The following SEZ6L variants were observed in gnomAD, a reference collection of about 807,000 sequenced individuals.
SEZ6L encodes seizure related 6 homolog like.
SEZ6L carries 37 observed loss-of-function variants against 106.2 expected under a neutral mutation model. That is an observed-to-expected ratio of 0.35 (90% CI 0.27 to 0.46). The LOEUF (loss-of-function observed/expected upper bound fraction) is 0.46, where lower values mean the gene tolerates loss of function less well. Among genes scored for constraint, SEZ6L ranks in the 20% least tolerant of loss-of-function variants. SEZ6L has a pLI of 1.00. For synonymous variants in SEZ6L, 541 were observed against 570.4 expected (o/e 0.95, Z 0.73); for missense variants, 1,172 against 1,332.8 (o/e 0.88, Z 1.88).
chr22:26,346,517 CAGTT>C (rs2083012853), intron 10 of SEZ6L, among the ~76,000 whole-genome samples: 1 of 152,182 alleles, frequency 6.6e-6, no homozygotes, highest in Non-Finnish European at 1.5e-5. Context: ...TATCATCTTG[CAGTT>C]TCTCTGGGTT....
Position 26,292,399 on chromosome 22 carries a change from T to C in SEZ6L, c.95-7T>C. On this transcript the variant is annotated splice_region_variant and splice_polypyrimidine_tract_variant and intron_variant, in intron 1 of 16. Coordinates refer to ENST00000248933, the MANE Select transcript of SEZ6L (RefSeq NM_021115.5). ...AAACTAACTGGTGTCTTTTCTCCTC[T>C]TCCAAGATGCTCTTCCCGAGGGAGA... The C allele has an allele frequency of 6.2e-7, 1 of 1,606,050 alleles. No individual in the cohort carries two copies. Among genetic ancestry groups the C allele is most frequent in the Non-Finnish European group, 8.5e-7 (1 of 1,175,290 alleles).
chr22:26,348,705 G>GAAAGAAAGAAAGCAA (rs1481352357), intron 11 of SEZ6L, among the ~76,000 whole-genome samples: 1 of 48,068 alleles, frequency 2.1e-5, no homozygotes, highest in Non-Finnish European at 4.2e-5. Context: ...AAAGAAAGAA[G>GAAAGAAAGAAAGCAA]GCAAGGGAGG....
rs745528227 is a variant in SEZ6L at position 26,365,403 on chromosome 22, G to C, written c.2631G>C (p.Gly877=). ...SEESLACDNP[G]LPENGYQILY... ...AGTCCCTGGCATGTGACAACCCAGG[G>C]CTGCCTGAAAATGGATACCAAATCC... Residue 877 remains glycine (G), a synonymous_variant, in exon 13 of 17, where the codon GGG becomes GGC. Transcript: ENST00000248933. The C allele has an allele frequency of 2.5e-6, 4 of 1,612,698 alleles. No individual in the cohort carries two copies. Among genetic ancestry groups the C allele is most frequent in the East Asian group, 2.2e-5 (1 of 44,826 alleles).
Position 26,169,753 on chromosome 22 carries a change from G to A in SEZ6L, c.84G>A (p.Ala28=), listed in dbSNP as rs1938443354. The change falls in exon 1 of 17, where the codon GCG becomes GCA. Residue 28 remains alanine, a synonymous_variant. Transcript: ENST00000248933. ...TGCTCCTGGGGAGCCCGGCGGCAGCGCTGGAGCGAGGTAAGCGCCCCGAGG... is the reference window on the plus strand; with the variant it reads ...TGCTCCTGGGGAGCCCGGCGGCAGCACTGGAGCGAGGTAAGCGCCCCGAGG... ...LALLLGSPAA[A]LERDALPEGD... is the part of the protein sequence containing the mutation. 1 of 1,253,240 alleles carries A rather than the reference G, an allele frequency of 8.0e-7. No individual in the cohort carries two copies. The highest frequency in any genetic ancestry group is 1.0e-6 in the Non-Finnish European group (1 of 999,732). The allele number at this position is 1,253,240 out of a possible 1,614,324, so 77.6% of individuals were successfully genotyped here.
At chr22:26,283,771 C>A (rs76035051) in intron 1 of SEZ6L, among the ~76,000 whole-genome samples, 2,201 of 151,874 alleles carry the variant, frequency 0.014, 19 homozygotes, top group Non-Finnish European at 0.023. Flanking sequence ...ACATTCAGGG[C>A]AGTAGTTCAT....
intron 1 of SEZ6L, among the ~76,000 whole-genome samples, chr22:26,201,382 C>CAAAAAAAA (rs71192905): frequency 6.4e-3 from 476 of 74,522 alleles, no homozygotes; most frequent in East Asian, 0.017. Context: ...TACAAAAATA[C>CAAAAAAAA]AAAAAAAAAA....
intron 1 of SEZ6L, among the ~76,000 whole-genome samples, chr22:26,270,786 G>A (rs1051230836): frequency 5.3e-5 from 8 of 152,116 alleles, no homozygotes; most frequent in African/African-American, 1.9e-4. Flanking sequence ...CCCCTCGCTG[G>A]TGTCTGCTAG....
intron 1 of SEZ6L, among the ~76,000 whole-genome samples, chr22:26,216,691 AG>A (rs1263615527): frequency 7.2e-6 from 1 of 138,936 alleles, no homozygotes; most frequent in Non-Finnish European, 1.6e-5. Flanking sequence ...AAAAAGAAAA[AG>A]AAATGGTCCA....
intron 9 of SEZ6L, among the ~76,000 whole-genome samples, chr22:26,332,294 T>G (rs937070768): frequency 4.7e-5 from 7 of 150,376 alleles, no homozygotes; most frequent in Non-Finnish European, 8.9e-5. Flanking sequence ...GGACTACAAG[T>G]GCATGCCACC....
chr22:26,212,675 G>A (rs151028215), intron 1 of SEZ6L, among the ~76,000 whole-genome samples: 25 of 152,216 alleles, frequency 1.6e-4, no homozygotes, highest in Middle Eastern at 3.4e-3. Context: ...CTCCCACCTC[G>A]GCCTCCCAAT....
chr22:26,230,632 T>G (rs2078770442), intron 1 of SEZ6L, among the ~76,000 whole-genome samples: 2 of 152,296 alleles, frequency 1.3e-5, no homozygotes, highest in South Asian at 4.1e-4. Flanking sequence ...GGAAACAGAC[T>G]GGAGACTGCC....
intron 1 of SEZ6L, among the ~76,000 whole-genome samples, chr22:26,265,897 T>G (rs992503808): frequency 2.0e-5 from 3 of 152,132 alleles, no homozygotes; most frequent in Admixed American, 6.5e-5. Context: ...TGGGTGCATC[T>G]TCCATGGTCC....
chr22:26,346,305 G>T (rs1464333951), intron 10 of SEZ6L, among the ~76,000 whole-genome samples: 1 of 152,208 alleles, frequency 6.6e-6, no homozygotes, highest in African/African-American at 2.4e-5. Flanking sequence ...GCTTCCCAAA[G>T]TGCTGAGATT....
chr22:26,361,397 C>T (rs2083622007), intron 12 of SEZ6L, among the ~76,000 whole-genome samples: 1 of 149,252 alleles, frequency 6.7e-6, no homozygotes, highest in South Asian at 2.1e-4. Flanking sequence ...GTCCCAGCTA[C>T]TCGGGAGGCT....
chr22:26,205,881 A>G (rs981199553), intron 1 of SEZ6L, among the ~76,000 whole-genome samples: 1 of 151,932 alleles, frequency 6.6e-6, no homozygotes, highest in Non-Finnish European at 1.5e-5. Context: ...TGAGATACCA[A>G]CGCTGTCCAG....
intron 1 of SEZ6L, among the ~76,000 whole-genome samples, chr22:26,268,621 A>T (rs2080262686): frequency 1.3e-5 from 2 of 152,238 alleles, no homozygotes; most frequent in Admixed American, 1.3e-4. Flanking sequence ...CACATAGGCC[A>T]GGGTCTCTCC....
intron 1 of SEZ6L, among the ~76,000 whole-genome samples, chr22:26,232,346 TCACACACACACACACACACACACACA>T (rs10654892): frequency 7.5e-5 from 10 of 133,268 alleles, no homozygotes; most frequent in African/African-American, 2.3e-4. Context: ...TCTCTGTCTT[TCACACACACACACACACACACACACA>T]CACACACACA....
At chr22:26,365,303 C>T (rs1017966484) in intron 12 of SEZ6L, 69 bp from the exon 13 acceptor site, 64 of 1,393,774 alleles carry the variant, frequency 4.6e-5, no homozygotes, top group Middle Eastern at 4.0e-4. Flanking sequence ...CTAGATCACA[C>T]GGGTTCTGAG....
intron 1 of SEZ6L, among the ~76,000 whole-genome samples, chr22:26,225,080 A>G (rs778551840): frequency 2.0e-5 from 3 of 152,254 alleles, no homozygotes; most frequent in Non-Finnish European, 4.4e-5. Context: ...GTGGTCTGAC[A>G]CTAAAGTGAC....
Sources: allele counts gnomAD v4.1 joint callset (sites outside exome capture counted in the v4.1 genomes callset), GRCh38; gene constraint gnomAD v4.1.1; transcripts MANE v1.5; gene names NCBI Gene and HGNC (gene_info 2026-07-23, HGNC 2026-07-21).